Variants in DLG1 observed in about 807,000 individuals in gnomAD.
DLG1 encodes disks large homolog 1.
Under a neutral mutation model 123.4 loss-of-function variants are expected in DLG1, and 42 were observed. The ratio of observed to expected loss-of-function variants is 0.34; its 90% CI spans 0.27 to 0.44. DLG1 has a LOEUF of 0.44. Among genes scored for constraint, DLG1 ranks in the 20% least tolerant of loss-of-function variants. The pLI, the probability that DLG1 is intolerant of heterozygous loss-of-function variation, is 1.00. For synonymous variants in DLG1, 317 were observed against 356.2 expected (o/e 0.89, Z 1.24); for missense variants, 942 against 1,082.6 (o/e 0.87, Z 1.82).
chr3:197,273,186 A>G (rs1560103509), intron 4 of DLG1, among the ~76,000 whole-genome samples: 1 of 117,288 alleles, frequency 8.5e-6, no homozygotes, highest in African/African-American at 3.2e-5. Flanking sequence ...TACACTGAAT[A>G]TATGTGTGTG....
chr3:197,184,076 G>T (rs1714273708), intron 5 of DLG1: 3 of 1,219,254 alleles, frequency 2.5e-6, no homozygotes, highest in Non-Finnish European at 3.1e-6. Flanking sequence ...TCTTTCTCAT[G>T]ATTATTTTTT....
intron 12 of DLG1, 89 bp from the exon 13 acceptor site, chr3:197,116,172 G>T: frequency 1.0e-6 from 1 of 999,676 alleles, no homozygotes; most frequent in Non-Finnish European, 1.5e-6. Flanking sequence ...TAATTTTTAT[G>T]TTATCAAACT....
intron 4 of DLG1, among the ~76,000 whole-genome samples, chr3:197,263,028 A>C (rs1760126242): frequency 6.8e-6 from 1 of 146,952 alleles, no homozygotes; most frequent in South Asian, 2.2e-4. Flanking sequence ...AGCTCATATA[A>C]GGCTCAAGGC....
rs548075049 is a variant in DLG1 at position 197,104,588 on chromosome 3, A to G, written c.1546+315T>C. On this transcript the variant is annotated intron_variant, in intron 14 of 24. Coordinates refer to ENST00000667157, the MANE Select transcript of DLG1 (RefSeq NM_001366207.1). Reference sequence around the variant, plus strand: ...TCCCAGTTACTTGGGAGGCTGAGGCAGGAGAATCACTTGAACCTGGGAGGC... The same window carrying G: ...TCCCAGTTACTTGGGAGGCTGAGGCGGGAGAATCACTTGAACCTGGGAGGC... Among the ~76,000 whole-genome samples the G allele has an allele frequency of 8.4e-4, 128 of 152,162 alleles. 2 individuals carry two copies. Among genetic ancestry groups the G allele is most frequent in the Non-Finnish European group, 1.6e-3 (108 of 68,008 alleles).
chr3:197,088,738 ACT>A (rs1225598306), intron 15 of DLG1, among the ~76,000 whole-genome samples: 1 of 152,152 alleles, frequency 6.6e-6, no homozygotes, highest in African/African-American at 2.4e-5. Context: ...CATGTGAAAA[ACT>A]CTACAGTGGT....
At chr3:197,126,855 TA>T (rs1395161074) in intron 11 of DLG1, among the ~76,000 whole-genome samples, 5 of 152,226 alleles carry the variant, frequency 3.3e-5, no homozygotes, top group Admixed American at 6.5e-5. Flanking sequence ...GTCATGTTTT[TA>T]ACTGATAATG....
intron 13 of DLG1, among the ~76,000 whole-genome samples, chr3:197,109,645 T>C (rs996295389): frequency 1.8e-4 from 28 of 152,232 alleles, no homozygotes; most frequent in Non-Finnish European, 3.4e-4. Flanking sequence ...CCTTTCATTT[T>C]AGTCTGAAGG....
intron 4 of DLG1, among the ~76,000 whole-genome samples, chr3:197,259,860 C>G (rs1015029645): frequency 6.6e-6 from 1 of 152,076 alleles, no homozygotes; most frequent in Admixed American, 6.5e-5. Context: ...AAAAAATTAA[C>G]TATAATTATA....
chr3:197,202,770 T>C (rs563153453), intron 4 of DLG1, among the ~76,000 whole-genome samples: 5 of 152,170 alleles, frequency 3.3e-5, no homozygotes, highest in African/African-American at 1.2e-4. Context: ...TGTAAAAGAA[T>C]TGTAAGGAGA....
At chr3:197,174,601 A>C (rs1016748038) in intron 5 of DLG1, among the ~76,000 whole-genome samples, 3 of 152,154 alleles carry the variant, frequency 2.0e-5, no homozygotes, top group African/African-American at 7.2e-5. Flanking sequence ...TTAATTCTTA[A>C]TATTGATATG....
chr3:197,071,965 C>T (rs548610780), intron 18 of DLG1, among the ~76,000 whole-genome samples: 2 of 152,250 alleles, frequency 1.3e-5, no homozygotes, highest in African/African-American at 4.8e-5. Flanking sequence ...ATATGCTTAC[C>T]ACAAGACATG....
chr3:197,239,173 GA>G (rs1322616014), intron 4 of DLG1, among the ~76,000 whole-genome samples: 6 of 151,720 alleles, frequency 4.0e-5, no homozygotes, highest in African/African-American at 1.5e-4. Context: ...AAATAAATAG[GA>G]TAACAGAGTC....
intron 4 of DLG1, among the ~76,000 whole-genome samples, chr3:197,200,383 T>C (rs1460872469): frequency 6.6e-6 from 1 of 152,156 alleles, no homozygotes; most frequent in Admixed American, 6.5e-5. Context: ...ATATACTTCA[T>C]TTTAAGAAAA....
intron 20 of DLG1, among the ~76,000 whole-genome samples, chr3:197,066,329 A>G (rs926036196): frequency 6.6e-6 from 1 of 152,192 alleles, no homozygotes; most frequent in Non-Finnish European, 1.5e-5. Flanking sequence ...AAGGTCATAA[A>G]TAAGAAAGAA....
intron 6 of DLG1, among the ~76,000 whole-genome samples, chr3:197,143,738 C>A (rs1034586657): frequency 6.6e-6 from 1 of 152,174 alleles, no homozygotes; most frequent in African/African-American, 2.4e-5. Flanking sequence ...TTTCTGTGAA[C>A]GACTTGCTCT....
chr3:197,130,679 A>G lies in DLG1; in HGVS notation c.1021-8T>C, dbSNP rs767498063. 5 of 1,582,544 alleles carry G rather than the reference A, an allele frequency of 3.2e-6. No homozygotes were observed. The highest frequency in any genetic ancestry group is 2.0e-4 in the Middle Eastern group (1 of 4,910). On this transcript the variant is annotated splice_polypyrimidine_tract_variant and splice_region_variant and intron_variant, in intron 10 of 24. Transcript: ENST00000667157. ...TAAACATACGTTATTCACCTAAAAA[A>G]AGTCCCAAAAGACATTTATGACATA...
intron 4 of DLG1, among the ~76,000 whole-genome samples, chr3:197,276,223 C>T (rs567009388): frequency 7.9e-5 from 12 of 152,308 alleles, no homozygotes; most frequent in South Asian, 6.2e-4. Context: ...TGTGTTTATC[C>T]GATCTCTTAC....
chr3:197,158,634 C>CAAAAAAAAAAAA (rs71623339), intron 5 of DLG1, among the ~76,000 whole-genome samples: 33 of 67,482 alleles, frequency 4.9e-4, no homozygotes, highest in Non-Finnish European at 7.2e-4. Flanking sequence ...AACTCCATTT[C>CAAAAAAAAAAAA]AAAAAAAAAA....
At chr3:197,276,185 T>C (rs1420734462) in intron 4 of DLG1, among the ~76,000 whole-genome samples, 4 of 152,228 alleles carry the variant, frequency 2.6e-5, no homozygotes, top group Admixed American at 6.5e-5. Flanking sequence ...CCTGCTACTT[T>C]ATCTTGCATT....
Sources: gnomAD v4.1 joint callset for allele counts (sites outside exome capture counted in the v4.1 genomes callset) on GRCh38, gnomAD v4.1.1 for gene constraint, MANE v1.5 for transcripts, NCBI Gene and HGNC (gene_info 2026-07-23, HGNC 2026-07-21) for gene names.